Variants in NFYC observed in about 807,000 individuals in gnomAD.
NFYC encodes nuclear transcription factor Y subunit gamma.
In NFYC, 25 loss-of-function variants were observed where a neutral mutation model predicts 53.1. The observed-to-expected ratio is 0.47, with a 90% CI of 0.34 to 0.66. NFYC has a LOEUF of 0.66. Among genes scored for constraint, NFYC ranks in the 30% least tolerant of loss-of-function variants. NFYC has a pLI of 0.01. For missense variants in NFYC, 260 were observed against 422.7 expected, an observed-to-expected ratio of 0.62 and a Z score of 3.38; for synonymous variants, 145 against 152.6, an observed-to-expected ratio of 0.95 and a Z score of 0.37.
intron 1 of NFYC, among the ~76,000 whole-genome samples, chr1:40,711,184 G>T (rs1368876428): frequency 6.6e-6 from 1 of 152,178 alleles, no homozygotes; most frequent in Non-Finnish European, 1.5e-5. Context: ...GAAGGGGATA[G>T]ATAGTATTTT....
At chr1:40,725,511 A>C (rs1429206624) in intron 1 of NFYC, among the ~76,000 whole-genome samples, 2 of 152,250 alleles carry the variant, frequency 1.3e-5, no homozygotes, top group African/African-American at 2.4e-5. Flanking sequence ...AGCCTTCTTA[A>C]GAAATGCTTT....
At chr1:40,697,074 C>G (rs1326060659) in intron 1 of NFYC, among the ~76,000 whole-genome samples, 1 of 152,130 alleles carries the variant, frequency 6.6e-6, no homozygotes, top group Non-Finnish European at 1.5e-5. Context: ...GTGCATTTAC[C>G]CTCTGTGCTG....
At chr1:40,765,313 G>T (rs1469047503) in intron 7 of NFYC, among the ~76,000 whole-genome samples, 1 of 152,174 alleles carries the variant, frequency 6.6e-6, no homozygotes, top group African/African-American at 2.4e-5. Flanking sequence ...TTTAGATTGG[G>T]TGTCCCTCCA....
rs553455226 is a variant in NFYC at position 40,728,396 on chromosome 1, A to C, written c.-8-10440A>C. 1.4e-4 allele frequency among the ~76,000 whole-genome samples: 22 copies of C among 152,124 alleles called. No homozygotes were observed. The South Asian group carries it at 1.7e-3, about 11-fold the overall frequency. On this transcript the variant is annotated intron_variant, in intron 1 of 9. Transcript: ENST00000447388. ...CGGATTACTTGAAATCAAGAGTTTG[A>C]GACCAGTCTGGCCAACGTGGCGAAA...
rs1210002851 is a variant in NFYC at position 40,738,709 on chromosome 1, T to C, written c.-8-127T>C. On this transcript the variant is annotated intron_variant, in intron 1 of 9. Coordinates refer to ENST00000447388, the MANE Select transcript of NFYC (RefSeq NM_014223.5). ...TGTTAAAATCTTTTTAGCGTAATTATATACCTTATCAAACTGAAAGATTGA... is the reference window on the plus strand; with the variant it reads ...TGTTAAAATCTTTTTAGCGTAATTACATACCTTATCAAACTGAAAGATTGA... The C allele has an allele frequency of 1.5e-5, 10 of 668,078 alleles. No homozygotes were observed. The African/African-American group carries it at 1.6e-4, about 11-fold the overall frequency. 41.4% of individuals were successfully genotyped at this position (668,078 alleles called of 1,614,324 possible).
Position 40,771,390 on chromosome 1 carries a change from GA to G in NFYC, c.*565del. 4.3e-6 allele frequency: 2 copies of G among 469,932 alleles called. No individual in the cohort carries two copies. The highest frequency in any genetic ancestry group is 3.1e-5 in the South Asian group (2 of 64,304). 29.1% of individuals were successfully genotyped at this position (469,932 alleles called of 1,614,324 possible). A position where few individuals can be genotyped will look rare whatever the true frequency, so the allele number is the denominator to read the frequency against. On this transcript the variant is annotated 3_prime_UTR_variant, in exon 10 of 10. Coordinates refer to ENST00000447388, the MANE Select transcript of NFYC (RefSeq NM_014223.5). ...TGTGTATTTGCATCCAGAGGCCATG[GA>G]AACATTCTTTGCATTTAAGAGACAG...
intron 3 of NFYC, among the ~76,000 whole-genome samples, chr1:40,747,866 T>C (rs949834037): frequency 6.6e-6 from 1 of 151,596 alleles, no homozygotes; most frequent in Non-Finnish European, 1.5e-5. Context: ...TTGAGAGTTT[T>C]ACTCTGTTAT....
Position 40,770,300 on chromosome 1 carries a change from TC to T in NFYC, c.889-407del. 8.4e-7 allele frequency: 1 copy of T among 1,186,830 alleles called. No individual in the cohort carries two copies. Among genetic ancestry groups the T allele is most frequent in the Non-Finnish European group, 1.2e-6 (1 of 855,118 alleles). 73.5% of individuals were successfully genotyped at this position (1,186,830 alleles called of 1,614,324 possible). A position where few individuals can be genotyped will look rare whatever the true frequency, so the allele number is the denominator to read the frequency against. On this transcript the variant is annotated intron_variant, in intron 9 of 9. Coordinates refer to ENST00000447388, the MANE Select transcript of NFYC (RefSeq NM_014223.5). The surrounding 1 kb of genome is among the most constrained non-coding windows in gnomAD (Gnocchi z 5.3). ...AGAAAAGAAGGAGAGGAGGGGGTAA[TC>T]CTACTGCCCCTGCCAGTGTAGATTA... is the stretch of plus-strand genomic sequence containing the variant.
rs954502931 is a variant in NFYC, at chr1:40,749,766, A to G, written c.291+80A>G. On this transcript the variant is annotated intron_variant, in intron 4 of 9. Transcript: ENST00000447388. ...TTTTCCTGCGTGGTGTTGGAGAAAG[A>G]TTGTTCTCCTTTAGGACCAAAGATT... The G allele has an allele frequency of 5.2e-6, 6 of 1,163,764 alleles. No homozygotes were observed. In the African/African-American group the frequency reaches 9.2e-5, roughly 18 times the overall value. 72.1% of individuals were successfully genotyped at this position (1,163,764 alleles called of 1,614,324 possible).
intron 4 of NFYC, among the ~76,000 whole-genome samples, chr1:40,751,284 A>G (rs1357193339): frequency 2.6e-5 from 4 of 152,270 alleles, no homozygotes; most frequent in South Asian, 2.1e-4. Context: ...AAAAAATTAC[A>G]TAGTGCATGA....
chr1:40,751,697 A>G (rs1645922154), intron 4 of NFYC, among the ~76,000 whole-genome samples: 1 of 152,192 alleles, frequency 6.6e-6, no homozygotes, highest in Non-Finnish European at 1.5e-5. Flanking sequence ...AAATTTTAGG[A>G]AGACCAACTT....
At chr1:40,737,897 CTCTCTT>C (rs1364622886) in intron 1 of NFYC, among the ~76,000 whole-genome samples, 13 of 131,298 alleles carry the variant, frequency 9.9e-5, no homozygotes, top group African/African-American at 2.7e-4. Context: ...AGCGTGCTCT[CTCTCTT>C]TTTTTTTTTT....
intron 1 of NFYC, among the ~76,000 whole-genome samples, chr1:40,706,497 C>G (rs1643698145): frequency 6.6e-6 from 1 of 151,972 alleles, no homozygotes; most frequent in Non-Finnish European, 1.5e-5. Flanking sequence ...CATGTATGGT[C>G]AAATGAGGAG....
chr1:40,748,828 A>C (rs1207066634), intron 3 of NFYC, among the ~76,000 whole-genome samples: 1 of 152,232 alleles, frequency 6.6e-6, no homozygotes, highest in Non-Finnish European at 1.5e-5. Flanking sequence ...TATAATAAGA[A>C]TTATCAGTTC....
chr1:40,765,917 T>G (rs1057305035), intron 7 of NFYC, among the ~76,000 whole-genome samples: 4 of 152,234 alleles, frequency 2.6e-5, no homozygotes, highest in African/African-American at 9.6e-5. Context: ...TGAGAGACTC[T>G]AAGGGCGCTT....
Position 40,769,411 on chromosome 1 carries a change from G to T in NFYC, c.884G>T (p.Gly295Val). The change falls in exon 9 of 10, where the codon GGA (glycine) becomes GTA (valine). Residue 295 changes from glycine to valine, a missense_variant. Physicochemically the swap from Gly to Val is moderately radical, Grantham distance 109. Coordinates refer to ENST00000447388, the MANE Select transcript of NFYC (RefSeq NM_014223.5). ...CAGCAGTTCAGCCAGTTCACAGATG[G>T]ACAGGTAGGGTACCCAACCTGGGCT... ...GQQQFSQFTD[G>V]QQLYQIQQVT... is the part of the protein sequence containing the mutation. 6.2e-7 allele frequency: 1 copy of T among 1,614,092 alleles called. No homozygotes were observed. Among genetic ancestry groups the T allele is most frequent in the South Asian group, 1.1e-5 (1 of 91,074 alleles).
At chr1:40,767,946 A>G (rs1187891381) in intron 8 of NFYC, among the ~76,000 whole-genome samples, 1 of 152,226 alleles carries the variant, frequency 6.6e-6, no homozygotes, top group East Asian at 1.9e-4. Flanking sequence ...ACTGCACTCC[A>G]GCCTGGGCGA....
In NFYC at chr1:40,769,370, G is replaced by A. The variant is rs773486320; in HGVS notation, c.843G>A (p.Glu281=). 5.0e-6 allele frequency: 8 copies of A among 1,614,116 alleles called. No individual in the cohort carries two copies. Among genetic ancestry groups the A allele is most frequent in the South Asian group, 1.1e-5 (1 of 91,080 alleles). Residue 281 remains glutamate (E), a synonymous_variant, in exon 9 of 10, where the codon GAG becomes GAA. Coordinates refer to ENST00000447388, the MANE Select transcript of NFYC (RefSeq NM_014223.5). ...ATNAQQITQT[E]VQQGQQQFSQ... is the part of the protein sequence containing the mutation. ...GATTCTTACAGATTACACAGACAGA[G>A]GTCCAGCAAGGACAGCAGCAGTTCA... is the stretch of plus-strand genomic sequence containing the variant.
chr1:40,696,278 C>T (rs1643140692), intron 1 of NFYC, among the ~76,000 whole-genome samples: 1 of 152,172 alleles, frequency 6.6e-6, no homozygotes. Context: ...CCTCTTCGGC[C>T]TCCTGAAGTG....
Sources: allele counts gnomAD v4.1 joint callset (sites outside exome capture counted in the v4.1 genomes callset), GRCh38; gene constraint gnomAD v4.1.1; non-coding constraint Gnocchi (gnomAD v3.1); transcripts MANE v1.5; gene names NCBI Gene and HGNC (gene_info 2026-07-23, HGNC 2026-07-21).